DNAI7: variants seen among roughly 807,000 people sequenced by gnomAD.
The protein encoded by DNAI7 is cancer susceptibility 1.
DNAI7 carries 78 observed loss-of-function variants against 86.6 expected under a neutral mutation model. The ratio of observed to expected loss-of-function variants is 0.90; its 90% confidence interval spans 0.75 to 1.09. DNAI7 has a LOEUF of 1.09. DNAI7 is among the 50% of genes least tolerant of loss of function. The pLI is 0.00. For synonymous variants in DNAI7, 274 were observed against 273.0 expected (o/e 1.00, Z -0.04); for missense variants, 753 against 810.2 (o/e 0.93, Z 0.86).
intron 9 of DNAI7, among the ~76,000 whole-genome samples, chr12:25,131,801 C>A (rs1942961185): frequency 6.6e-6 from 1 of 152,188 alleles, no homozygotes; most frequent in African/African-American, 2.4e-5. Flanking sequence ...CATTCATTCA[C>A]TTCTTCCTTC....
chr12:25,165,890 C>T (rs1400442216), intron 2 of DNAI7, among the ~76,000 whole-genome samples: 1 of 152,166 alleles, frequency 6.6e-6, no homozygotes, highest in Non-Finnish European at 1.5e-5. Context: ...TCCCCACCCG[C>T]CCAGTTCACT....
rs201004839 is a variant in DNAI7 at position 25,119,141 on chromosome 12, G to T, written c.1396+4C>A. ...CTTTTATTACATAATTATAAAAGCT[G>T]TACCTTCAGCATCCCACCTTACAAC... On this transcript the variant is annotated splice_donor_region_variant and intron_variant, in intron 12 of 15. Transcript: ENST00000395987. 5.9e-4 allele frequency: 931 copies of T among 1,589,716 alleles called. No individual in the cohort carries two copies. The highest frequency in any genetic ancestry group is 8.1e-4 in the Admixed American group (43 of 53,178).
chr12:25,139,870 A>G (rs1565699889), intron 9 of DNAI7, among the ~76,000 whole-genome samples: 1 of 152,238 alleles, frequency 6.6e-6, no homozygotes, highest in Non-Finnish European at 1.5e-5. Context: ...TTTTTTAAAA[A>G]AGATAATTCA....
At chr12:25,112,098 A>G (rs1295681133) in intron 13 of DNAI7, among the ~76,000 whole-genome samples, 159 bp from the exon 14 acceptor site, 2 of 152,214 alleles carry the variant, frequency 1.3e-5, no homozygotes, top group African/African-American at 4.8e-5. Flanking sequence ...CCTCATCTGA[A>G]TGCTCTGACA....
chr12:25,178,873 T>C (rs1335243517), intron 2 of DNAI7, among the ~76,000 whole-genome samples: 1 of 152,060 alleles, frequency 6.6e-6, no homozygotes, highest in Non-Finnish European at 1.5e-5. Flanking sequence ...TCCATATTTG[T>C]TCTTATTATT....
chr12:25,184,394 CT>C (rs34669329), intron 2 of DNAI7, among the ~76,000 whole-genome samples: 32,409 of 151,998 alleles, frequency 0.21, 4,500 homozygotes, highest in East Asian at 0.35. Flanking sequence ...TCTTTTGTGA[CT>C]GGCTTCTTCC....
chr12:25,186,225 C>T lies in DNAI7; in HGVS notation c.21+4389G>A, dbSNP rs187749494. Among the ~76,000 whole-genome samples, 25 of 152,166 alleles carry T rather than the reference C, an allele frequency of 1.6e-4. No individual in the cohort carries two copies. In the East Asian group the frequency reaches 3.1e-3, roughly 19 times the overall value. On this transcript the variant is annotated intron_variant, in intron 2 of 15. Coordinates refer to ENST00000395987, the MANE Select transcript of DNAI7 (RefSeq NM_018272.5). Reference sequence around the variant, plus strand: ...TATCATAACCTTTTCTATAGTCTTACGCAATTTTCTAACTTTTGCAATGAA... The same window carrying T: ...TATCATAACCTTTTCTATAGTCTTATGCAATTTTCTAACTTTTGCAATGAA...
At chr12:25,148,600 T>TAAAAAA (rs1945143855) in intron 7 of DNAI7, among the ~76,000 whole-genome samples, 1 of 152,230 alleles carries the variant, frequency 6.6e-6, no homozygotes, top group African/African-American at 2.4e-5. Context: ...CCACATTAGA[T>TAAAAAA]AGATGGCATT....
intron 1 of DNAI7, 30 bp downstream of exon 1, chr12:25,195,046 C>G (rs1231163993): frequency 6.2e-7 from 1 of 1,614,218 alleles, no homozygotes; most frequent in African/African-American, 1.3e-5. Flanking sequence ...GGTCGCCCCT[C>G]CACCTGTCTG....
intron 12 of DNAI7, among the ~76,000 whole-genome samples, chr12:25,116,226 T>A (rs887935534): frequency 6.6e-6 from 1 of 152,086 alleles, no homozygotes; most frequent in Non-Finnish European, 1.5e-5. Context: ...AAGTTTTTAC[T>A]CTTAAATTTC....
At chr12:25,165,423 A>G (rs984156770) in intron 2 of DNAI7, among the ~76,000 whole-genome samples, 3 of 152,228 alleles carry the variant, frequency 2.0e-5, no homozygotes, top group Non-Finnish European at 4.4e-5. Context: ...GCTTGCTACA[A>G]GTGCCAGAAA....
Position 25,113,279 on chromosome 12 carries a change from C to CTGTTGT in DNAI7, c.1612-1346_1612-1341dup, listed in dbSNP as rs111423023. Among the ~76,000 whole-genome samples, 514 of 150,676 alleles carry CTGTTGT rather than the reference C, an allele frequency of 3.4e-3. 3 individuals are homozygous for CTGTTGT. Among genetic ancestry groups the CTGTTGT allele is most frequent in the African/African-American group, 6.9e-3 (281 of 40,912 alleles). On this transcript the variant is annotated intron_variant, in intron 13 of 15. Transcript: ENST00000395987. Reference sequence around the variant, plus strand: ...CATCTCACCTAGTTTGTTGTTGTTGCTGTTGTTGTTGTTGTTGTTGTTGTT... The same window carrying CTGTTGT: ...CATCTCACCTAGTTTGTTGTTGTTGCTGTTGTTGTTGTTGTTGTTGTTGTTGTTGTT...
intron 6 of DNAI7, among the ~76,000 whole-genome samples, chr12:25,152,855 G>A (rs1217856529): frequency 2.6e-5 from 4 of 152,204 alleles, no homozygotes; most frequent in African/African-American, 9.6e-5. Flanking sequence ...TACATTTGGT[G>A]TCAGAAGTGT....
At chr12:25,149,811 G>A (rs770707498) in intron 6 of DNAI7, 37 bp from the exon 7 acceptor site, 2 of 1,300,030 alleles carry the variant, frequency 1.5e-6, no homozygotes, top group South Asian at 2.5e-5. Context: ...AATTCTCAGA[G>A]AAATAGTCAA....
rs571604690 is a variant in DNAI7, at chr12:25,108,630, T to C, written c.2087A>G (p.Glu696Gly). 3 of 1,613,508 alleles carry C rather than the reference T, an allele frequency of 1.9e-6. No individual in the cohort carries two copies. The highest frequency in any genetic ancestry group is 2.5e-6 in the Non-Finnish European group (3 of 1,179,810). ...CTGACAGTTGGAACTCCTGACTTTC[T>C]CCATTGCTTCCTCAGAAGCAAAATC... ...VKDFASEEAMEKVRSSNCQFV... is the reference protein window; with the variant it reads ...VKDFASEEAMGKVRSSNCQFV... The change falls in exon 16 of 16, where the codon GAG (glutamate) becomes GGG (glycine). Residue 696 changes from glutamate to glycine, a missense_variant. Transcript: ENST00000395987.
Position 25,121,733 on chromosome 12 carries a change from T to C in DNAI7, c.1239+20A>G, listed in dbSNP as rs866919452. 6.3e-7 allele frequency: 1 copy of C among 1,580,896 alleles called. No individual in the cohort carries two copies. Among genetic ancestry groups the C allele is most frequent in the Middle Eastern group, 1.7e-4 (1 of 6,002 alleles). ...GAGCAATTATTTTACTTATAAGTTT[T>C]GATTCAAGAATCAACCTACTTCCAC... is the stretch of plus-strand genomic sequence containing the variant. On this transcript the variant is annotated intron_variant, in intron 11 of 15. Coordinates refer to ENST00000395987, the MANE Select transcript of DNAI7 (RefSeq NM_018272.5).
chr12:25,182,637 C>CACA (rs1244349000), intron 2 of DNAI7, among the ~76,000 whole-genome samples: 1 of 151,334 alleles, frequency 6.6e-6, no homozygotes, highest in Admixed American at 6.6e-5. Context: ...CACACACACA[C>CACA]AAGCCAGATG....
intron 2 of DNAI7, among the ~76,000 whole-genome samples, chr12:25,174,698 G>GATATCATATATATGGAATATAT (rs371617097): frequency 0.22 from 17,419 of 79,078 alleles, 3,355 homozygotes; most frequent in African/African-American, 0.28. Flanking sequence ...ATGGAATATA[G>GATATCATATATATGGAATATAT]ATATCATACA....
At chr12:25,161,327 A>G (rs1406456508) in intron 2 of DNAI7, 130 bp from the exon 3 acceptor site, 2 of 755,098 alleles carry the variant, frequency 2.6e-6, no homozygotes, top group Admixed American at 3.9e-5. Context: ...TTCATTCAAC[A>G]AATAAGACTG....
Sources: allele counts gnomAD v4.1 joint callset (sites outside exome capture counted in the v4.1 genomes callset), GRCh38; gene constraint gnomAD v4.1.1; transcripts MANE v1.5; gene names NCBI Gene and HGNC (gene_info 2026-07-23, HGNC 2026-07-21).